PATJ: variants seen among roughly 807,000 people sequenced by gnomAD.
PATJ encodes the protein PATJ crumbs cell polarity complex component.
PATJ carries 190 observed loss-of-function variants against 224.9 expected under a neutral mutation model. That is an observed-to-expected ratio of 0.84 (90% CI 0.75 to 0.95). The LOEUF is 0.95. PATJ is among the 40% of genes least tolerant of loss of function. The pLI is 0.00. For synonymous variants in PATJ, 769 were observed against 820.3 expected (o/e 0.94, Z 1.07); for missense variants, 2,121 against 2,270.3 (o/e 0.93, Z 1.34).
intron 6 of PATJ, among the ~76,000 whole-genome samples, chr1:61,774,223 G>A (rs370481059): frequency 6.6e-6 from 1 of 151,582 alleles, no homozygotes; most frequent in Admixed American, 6.6e-5. Flanking sequence ...ACAGGAGTTT[G>A]AGGCTGACAT....
chr1:61,970,079 T>G (rs1028009402), intron 27 of PATJ, among the ~76,000 whole-genome samples: 2 of 151,980 alleles, frequency 1.3e-5, no homozygotes, highest in African/African-American at 2.4e-5. Flanking sequence ...TATTTTTTTT[T>G]TTGTTTTTTG....
In PATJ at chr1:61,766,428, G is replaced by T. The variant is rs753154796; in HGVS notation, c.339G>T (p.Lys113Asn). The stretch of plus-strand genomic sequence containing the variant: ...CTGGGTTATTTCCGTGGACCCCGAA[G>T]TTGGGAAATGAAGACTTTAACTCAG... ...TVSGLFPWTP[K>N]LGNEDFNSVI... Residue 113 changes from lysine to asparagine, a missense_variant, in exon 4 of 44, where the codon AAG (lysine) becomes AAT (asparagine). Coordinates refer to ENST00000642238, the MANE Select transcript of PATJ (RefSeq NM_001350145.3). 1 of 1,610,156 alleles carries T rather than the reference G, an allele frequency of 6.2e-7. No homozygotes were observed. Among genetic ancestry groups the T allele is most frequent in the South Asian group, 1.1e-5 (1 of 89,786 alleles).
intron 26 of PATJ, among the ~76,000 whole-genome samples, chr1:61,924,796 TCTG>T (rs1022817811): frequency 2.0e-5 from 3 of 152,206 alleles, no homozygotes; most frequent in African/African-American, 7.2e-5. Context: ...CACAATGTAT[TCTG>T]CTTCTGTCCT....
At chr1:62,076,044 A>T (rs1423733202) in intron 31 of PATJ, among the ~76,000 whole-genome samples, 1 of 152,146 alleles carries the variant, frequency 6.6e-6, no homozygotes, top group East Asian at 1.9e-4. Context: ...AGAGCTTTAA[A>T]AAAAATCACG....
At chr1:61,928,642 A>G (rs1675574995) in intron 27 of PATJ, among the ~76,000 whole-genome samples, 1 of 152,138 alleles carries the variant, frequency 6.6e-6, no homozygotes. Flanking sequence ...AAAAGGGTAC[A>G]ATAATGATAC....
At chr1:61,870,886 C>T (rs570624992) in intron 20 of PATJ, among the ~76,000 whole-genome samples, 1 of 152,254 alleles carries the variant, frequency 6.6e-6, no homozygotes, top group South Asian at 2.1e-4. Context: ...CTCTCCAACA[C>T]TTGTTTGTTG....
chr1:62,092,501 T>G (rs553742638), intron 33 of PATJ, among the ~76,000 whole-genome samples: 2 of 151,428 alleles, frequency 1.3e-5, no homozygotes, highest in Non-Finnish European at 2.9e-5. Flanking sequence ...GGAGTCTCAC[T>G]CTTGTCGTCC....
chr1:61,906,298 G>T (rs939303966), intron 24 of PATJ, among the ~76,000 whole-genome samples: 7 of 152,042 alleles, frequency 4.6e-5, no homozygotes, highest in Non-Finnish European at 8.8e-5. Flanking sequence ...GTTGTTCAAG[G>T]GTTTTTACAG....
At chr1:61,900,739 G>A (rs922940282) in intron 23 of PATJ, among the ~76,000 whole-genome samples, 11 of 152,192 alleles carry the variant, frequency 7.2e-5, no homozygotes, top group South Asian at 2.1e-4. Flanking sequence ...ACAGGCGCCC[G>A]CCACTACGCC....
At chr1:61,797,511 T>G in intron 11 of PATJ, 83 bp downstream of exon 11, 1 of 1,215,716 alleles carries the variant, frequency 8.2e-7, no homozygotes, top group Non-Finnish European at 1.2e-6. Context: ...TCCATGAGTC[T>G]CAGCAGGAAA....
intron 27 of PATJ, among the ~76,000 whole-genome samples, chr1:61,989,426 A>T (rs1644943106): frequency 6.6e-6 from 1 of 152,048 alleles, no homozygotes. Context: ...CTAAACCAAC[A>T]CCCTTAATTC....
chr1:61,802,582 TATC>T (rs1246641896), intron 12 of PATJ, among the ~76,000 whole-genome samples: 4 of 152,178 alleles, frequency 2.6e-5, no homozygotes, highest in Non-Finnish European at 5.9e-5. Context: ...GCTTATATAT[TATC>T]ATTGATATGT....
intron 18 of PATJ, among the ~76,000 whole-genome samples, chr1:61,859,718 C>G (rs1210347867): frequency 6.6e-6 from 1 of 152,130 alleles, no homozygotes; most frequent in Admixed American, 6.5e-5. Context: ...CTCCTGGGTT[C>G]AAGTGATTCT....
chr1:62,065,235 T>C (rs1251143485), intron 31 of PATJ, among the ~76,000 whole-genome samples: 8 of 152,196 alleles, frequency 5.3e-5, no homozygotes, highest in Non-Finnish European at 1.2e-4. Context: ...ATGAAGATAA[T>C]GTAGAGACAC....
chr1:61,850,097 T>C (rs1662576067), intron 17 of PATJ, among the ~76,000 whole-genome samples: 1 of 152,154 alleles, frequency 6.6e-6, no homozygotes, highest in East Asian at 1.9e-4. Flanking sequence ...TAGCTTGGAT[T>C]TGTCATCTAG....
At position 61,975,140 on chromosome 1, in the gene PATJ, G is replaced by T. The variant is rs150937494; in HGVS notation, c.3671-15028G>T. On this transcript the variant is annotated intron_variant, in intron 27 of 43. Coordinates refer to ENST00000642238, the MANE Select transcript of PATJ (RefSeq NM_001350145.3). Reference sequence around the variant, plus strand: ...TCTTTTATTTTTTGTAAAGATGGGGGTCTCACTATGTTTCCCAGCTGGTCT... The same window carrying T: ...TCTTTTATTTTTTGTAAAGATGGGGTTCTCACTATGTTTCCCAGCTGGTCT... 6.6e-5 allele frequency among the ~76,000 whole-genome samples: 10 copies of T among 151,954 alleles called. No individual in the cohort carries two copies. The East Asian group carries it at 1.7e-3, about 26-fold the overall frequency.
chr1:61,746,094 A>AATAT (rs34430786), intron 1 of PATJ, among the ~76,000 whole-genome samples: 36,699 of 148,074 alleles, frequency 0.25, 4,790 homozygotes, highest in East Asian at 0.38. Context: ...ACCACTGGGT[A>AATAT]ATATATATAT....
chr1:62,065,911 T>C (rs1332045164), intron 31 of PATJ, among the ~76,000 whole-genome samples: 1 of 152,226 alleles, frequency 6.6e-6, no homozygotes, highest in African/African-American at 2.4e-5. Context: ...GCTTGGGCAC[T>C]GTTCTCTGAG....
intron 17 of PATJ, among the ~76,000 whole-genome samples, chr1:61,843,956 A>G (rs1030312799): frequency 6.6e-6 from 1 of 152,222 alleles, no homozygotes; most frequent in Non-Finnish European, 1.5e-5. Context: ...TTTGCTGAGC[A>G]TCTCCTCTTC....
Sources: allele counts gnomAD v4.1 joint callset (sites outside exome capture counted in the v4.1 genomes callset), GRCh38; gene constraint gnomAD v4.1.1; transcripts MANE v1.5; gene names NCBI Gene and HGNC (gene_info 2026-07-23, HGNC 2026-07-21).